The following XKR6 variants were observed in gnomAD, a reference collection of about 807,000 sequenced individuals.
The protein encoded by XKR6 is XK-related protein 6.
A neutral mutation model predicts 56.7 loss-of-function variants in XKR6; 22 were observed. That is an observed-to-expected ratio of 0.39 (90% CI 0.28 to 0.55). The LOEUF (loss-of-function observed/expected upper bound fraction) is 0.55, where lower values mean the gene tolerates loss of function less well. Among genes scored for constraint, XKR6 ranks in the 20% least tolerant of loss-of-function variants. The pLI is 0.66. For synonymous variants in XKR6, 524 were observed against 387.8 expected (o/e 1.35, Z -4.13); for missense variants, 852 against 889.0 (o/e 0.96, Z 0.53).
intron 1 of XKR6, among the ~76,000 whole-genome samples, chr8:11,051,507 C>A (rs73198903): frequency 0.15 from 23,350 of 152,156 alleles, 2,007 homozygotes; most frequent in Middle Eastern, 0.21. Flanking sequence ...GCTTCCCCAG[C>A]GGAGTAAAGG....
intron 1 of XKR6, among the ~76,000 whole-genome samples, chr8:11,157,898 A>G (rs1307714207): frequency 6.6e-6 from 1 of 152,202 alleles, no homozygotes; most frequent in Admixed American, 6.5e-5. Context: ...AATTATTAGC[A>G]AACAGGCCAG....
chr8:10,990,673 A>G (rs949003425), intron 1 of XKR6, among the ~76,000 whole-genome samples: 1 of 152,042 alleles, frequency 6.6e-6, no homozygotes, highest in African/African-American at 2.4e-5. Flanking sequence ...TCAACTTCTC[A>G]GCTTCAAGCG....
intron 1 of XKR6, among the ~76,000 whole-genome samples, chr8:11,104,308 G>C (rs752867972): frequency 6.6e-5 from 10 of 152,236 alleles, no homozygotes; most frequent in Non-Finnish European, 1.5e-4. Flanking sequence ...CATCCATTGA[G>C]GAAGAGTATC....
intron 1 of XKR6, among the ~76,000 whole-genome samples, chr8:11,189,895 G>A (rs1238908886): frequency 4.6e-5 from 7 of 152,172 alleles, no homozygotes; most frequent in East Asian, 3.9e-4. Flanking sequence ...AGTGGCTCAC[G>A]CCTGTAATCC....
chr8:10,990,472 C>T (rs1210167927), intron 1 of XKR6, among the ~76,000 whole-genome samples: 3 of 152,220 alleles, frequency 2.0e-5, no homozygotes, highest in Admixed American at 6.5e-5. Context: ...AGAAGAAATA[C>T]TGCCCATGGT....
chr8:11,134,021 T>C (rs1800253953), intron 1 of XKR6, among the ~76,000 whole-genome samples: 1 of 152,174 alleles, frequency 6.6e-6, no homozygotes, highest in African/African-American at 2.4e-5. Flanking sequence ...CCCTAATGCA[T>C]CCTTCAGGCC....
At chr8:11,012,267 C>A (rs1041755014) in intron 1 of XKR6, among the ~76,000 whole-genome samples, 1 of 152,202 alleles carries the variant, frequency 6.6e-6, no homozygotes, top group Non-Finnish European at 1.5e-5. Flanking sequence ...CCCTTTGGGA[C>A]CTCAGCTGCT....
chr8:11,111,008 A>AT (rs58233543), intron 1 of XKR6, among the ~76,000 whole-genome samples: 3,092 of 113,752 alleles, frequency 0.027, 222 homozygotes, highest in African/African-American at 0.078. Flanking sequence ...GGCTTTTTCT[A>AT]TTTTTTTTTT....
At chr8:10,926,127 T>C (rs1800873318) in intron 1 of XKR6, among the ~76,000 whole-genome samples, 1 of 152,192 alleles carries the variant, frequency 6.6e-6, no homozygotes, top group African/African-American at 2.4e-5. Context: ...AGTGCATGGC[T>C]GACACCCTAT....
At chr8:11,125,966 T>C in intron 1 of XKR6, 1 of 152,282 alleles carries the variant, frequency 6.6e-6, no homozygotes, top group Non-Finnish European at 1.5e-5. Context: ...ACAAACTTGA[T>C]GGAAACTCTA....
intron 1 of XKR6, among the ~76,000 whole-genome samples, chr8:11,121,580 G>C (rs532019731): frequency 2.0e-5 from 3 of 152,350 alleles, no homozygotes; most frequent in East Asian, 3.9e-4. Context: ...CTTTTACACT[G>C]TTGGTGGGAC....
intron 1 of XKR6, among the ~76,000 whole-genome samples, chr8:10,964,614 C>T (rs1028603134): frequency 2.6e-5 from 4 of 152,222 alleles, no homozygotes; most frequent in African/African-American, 9.6e-5. Context: ...ATGAAGCTGC[C>T]CCCTGAGGTC....
chr8:11,123,117 A>G (rs1375544078), intron 1 of XKR6, among the ~76,000 whole-genome samples: 1 of 151,916 alleles, frequency 6.6e-6, no homozygotes, highest in Non-Finnish European at 1.5e-5. Flanking sequence ...CACACCTGCA[A>G]TGCCAGCTAC....
chr8:11,131,266 TTC>T (rs1470476325), intron 1 of XKR6, among the ~76,000 whole-genome samples: 5 of 152,188 alleles, frequency 3.3e-5, no homozygotes, highest in East Asian at 3.8e-4. Context: ...TGTATCCTAT[TTC>T]TGTTTCATTT....
chr8:11,179,786 G>C (rs534425376), intron 1 of XKR6, among the ~76,000 whole-genome samples: 1 of 152,092 alleles, frequency 6.6e-6, no homozygotes, highest in Non-Finnish European at 1.5e-5. Flanking sequence ...CAATCAATAC[G>C]GAGCCTACCT....
At chr8:10,973,933 A>G (rs146342119) in intron 1 of XKR6, among the ~76,000 whole-genome samples, 1 of 152,230 alleles carries the variant, frequency 6.6e-6, no homozygotes, top group African/African-American at 2.4e-5. Context: ...CAGTGCATAG[A>G]TACTTTCTAA....
At chr8:10,941,191 C>T (rs993423542) in intron 1 of XKR6, among the ~76,000 whole-genome samples, 1 of 152,146 alleles carries the variant, frequency 6.6e-6, no homozygotes, top group Non-Finnish European at 1.5e-5. Flanking sequence ...TCCGGGTTCA[C>T]AGCCTCCTCC....
intron 1 of XKR6, among the ~76,000 whole-genome samples, chr8:11,064,397 G>A (rs1290849984): frequency 1.3e-5 from 2 of 152,152 alleles, no homozygotes; most frequent in African/African-American, 2.4e-5. Flanking sequence ...GTGGTCATGG[G>A]CCATCATCTG....
chr8:11,044,808 C>T (rs543518435), intron 1 of XKR6, among the ~76,000 whole-genome samples: 6 of 151,958 alleles, frequency 3.9e-5, no homozygotes, highest in Non-Finnish European at 7.4e-5. Flanking sequence ...TTAGTAGAGA[C>T]GGGGTTTCAC....
Sources: allele counts gnomAD v4.1 joint callset (sites outside exome capture counted in the v4.1 genomes callset), GRCh38; gene constraint gnomAD v4.1.1; transcripts MANE v1.5; gene names NCBI Gene and HGNC (gene_info 2026-07-23, HGNC 2026-07-21).